Variants in MIPOL1 observed in about 807,000 individuals in gnomAD.
MIPOL1 encodes the protein mirror-image polydactyly 1, also known as mirror-image polydactyly gene 1 protein.
A neutral mutation model predicts 60.9 loss-of-function variants in MIPOL1; 57 were observed. That is an observed-to-expected ratio of 0.94 (90% CI 0.76 to 1.17). The LOEUF is 1.17. MIPOL1 is among the 50% of genes most tolerant of loss of function. MIPOL1 has a pLI of 0.00. For missense variants in MIPOL1, 551 were observed against 511.6 expected (o/e 1.08, Z -0.74); for synonymous variants, 179 against 168.8 (o/e 1.06, Z -0.47).
chr14:37,486,085 G>A (rs1337190125), intron 11 of MIPOL1, among the ~76,000 whole-genome samples: 1 of 152,158 alleles, frequency 6.6e-6, no homozygotes, highest in East Asian at 1.9e-4. Context: ...TTATTAAATA[G>A]GGAATTATTT....
Position 37,424,493 on chromosome 14 carries a change from A to G in MIPOL1, c.1031+1544A>G, listed in dbSNP as rs371793253. Among the ~76,000 whole-genome samples the G allele has an allele frequency of 5.3e-5, 8 of 152,324 alleles. No homozygotes were observed. The East Asian group carries it at 1.5e-3, about 29-fold the overall frequency. Reference sequence around the variant, plus strand: ...AAGAGGCAAGGAAGGACTCTCCTTTACAGTTGTCAGAAAGAACATAGCCCA... The same window carrying G: ...AAGAGGCAAGGAAGGACTCTCCTTTGCAGTTGTCAGAAAGAACATAGCCCA... On this transcript the variant is annotated intron_variant, in intron 11 of 12. Transcript: ENST00000684589.
At chr14:37,208,810 C>G (rs2139252319) in intron 1 of MIPOL1, among the ~76,000 whole-genome samples, 1 of 152,212 alleles carries the variant, frequency 6.6e-6, no homozygotes, top group South Asian at 2.1e-4. Flanking sequence ...AGGCTGGTCT[C>G]AAACTCCTGT....
intron 11 of MIPOL1, among the ~76,000 whole-genome samples, chr14:37,490,524 G>A (rs974444944): frequency 3.3e-5 from 5 of 152,156 alleles, no homozygotes; most frequent in East Asian, 1.9e-4. Flanking sequence ...CAGCTAGCTC[G>A]GTGTCTGCCC....
intron 10 of MIPOL1, among the ~76,000 whole-genome samples, chr14:37,374,346 C>T (rs1350675188): frequency 6.6e-6 from 1 of 152,150 alleles, no homozygotes; most frequent in Non-Finnish European, 1.5e-5. Flanking sequence ...CCTGTTCACT[C>T]TGATGGTAGT....
rs2093900659 is a variant in MIPOL1 at position 37,422,931 on chromosome 14, C to T, written c.1013C>T (p.Thr338Ile). Reference protein sequence around the residue: ...QYKKLEEEIQTLRVYYSLHKS... With the variant: ...QYKKLEEEIQILRVYYSLHKS... ...AAAAAACTGGAAGAGGAAATCCAGA[C>T]CCTTCGAGTTTACTACAGGTAAAAT... Residue 338 changes from threonine (T) to isoleucine (I), a missense_variant, in exon 11 of 13, where the codon ACC becomes ATC. Coordinates refer to ENST00000684589, the MANE Select transcript of MIPOL1 (RefSeq NM_001388067.1). 15 of 1,604,594 alleles carry T rather than the reference C, an allele frequency of 9.3e-6. No homozygotes were observed. Among genetic ancestry groups the T allele is most frequent in the Non-Finnish European group, 1.3e-5 (15 of 1,174,206 alleles).
chr14:37,418,278 G>C (rs780561493), intron 10 of MIPOL1, among the ~76,000 whole-genome samples: 3 of 152,148 alleles, frequency 2.0e-5, no homozygotes, highest in Non-Finnish European at 4.4e-5. Flanking sequence ...GATGTGAACA[G>C]TGTGGTCTTT....
At chr14:37,359,195 A>G (rs2092060701) in intron 9 of MIPOL1, among the ~76,000 whole-genome samples, 1 of 151,982 alleles carries the variant, frequency 6.6e-6, no homozygotes, top group African/African-American at 2.4e-5. Context: ...TGGTCTATAT[A>G]TCTGTTTCGG....
chr14:37,261,313 T>C (rs957499597), intron 3 of MIPOL1, among the ~76,000 whole-genome samples: 3 of 151,998 alleles, frequency 2.0e-5, no homozygotes, highest in Non-Finnish European at 2.9e-5. Flanking sequence ...AAGTATTAGA[T>C]ACATTAGTAT....
chr14:37,243,397 A>T (rs1433882346), intron 1 of MIPOL1, among the ~76,000 whole-genome samples: 1 of 152,180 alleles, frequency 6.6e-6, no homozygotes, highest in African/African-American at 2.4e-5. Context: ...ATAGTAAGAC[A>T]TGTGCTTATA....
At chr14:37,425,701 C>A (rs1240595695) in intron 11 of MIPOL1, among the ~76,000 whole-genome samples, 2 of 152,032 alleles carry the variant, frequency 1.3e-5, no homozygotes, top group Non-Finnish European at 2.9e-5. Flanking sequence ...AGATATATTT[C>A]TTTTTAAAAC....
intron 12 of MIPOL1, among the ~76,000 whole-genome samples, chr14:37,544,918 A>G (rs569490965): frequency 6.6e-6 from 1 of 152,342 alleles, no homozygotes; most frequent in South Asian, 2.1e-4. Flanking sequence ...AAAGGAAACA[A>G]AAGTAAGATG....
At chr14:37,364,810 G>A (rs1215163787) in intron 9 of MIPOL1, among the ~76,000 whole-genome samples, 2 of 151,894 alleles carry the variant, frequency 1.3e-5, no homozygotes, top group African/African-American at 2.4e-5. Context: ...ATATTGCTTT[G>A]GGTAGCACCT....
chr14:37,205,069 G>A (rs1965869404), intron 1 of MIPOL1, among the ~76,000 whole-genome samples: 1 of 151,990 alleles, frequency 6.6e-6, no homozygotes, highest in Non-Finnish European at 1.5e-5. Context: ...CTTTGAACTT[G>A]AGAGAGATGA....
rs553911830 is a variant in MIPOL1 at position 37,218,050 on chromosome 14, C to T, written c.-199+19946C>T. Among the ~76,000 whole-genome samples the T allele has an allele frequency of 8.5e-5, 13 of 152,090 alleles. No individual in the cohort carries two copies. The East Asian group carries it at 1.4e-3, about 16-fold the overall frequency. On this transcript the variant is annotated intron_variant, in intron 1 of 12. Transcript: ENST00000684589. ...TTCCCTTTTAGCTTCCTTTTTAGAA[C>T]GATGGGTTATTTGGGATTGTTTAAG...
intron 12 of MIPOL1, among the ~76,000 whole-genome samples, chr14:37,520,401 C>A (rs2095404717): frequency 6.6e-6 from 1 of 152,096 alleles, no homozygotes; most frequent in Non-Finnish European, 1.5e-5. Context: ...GCCTAAAGCC[C>A]TATGAAAACA....
At chr14:37,275,651 G>A (rs1279176654) in intron 6 of MIPOL1, among the ~76,000 whole-genome samples, 2 of 150,884 alleles carry the variant, frequency 1.3e-5, no homozygotes, top group Non-Finnish European at 3.0e-5. Context: ...TGCTTTTATA[G>A]TATGCAGATG....
intron 11 of MIPOL1, among the ~76,000 whole-genome samples, chr14:37,445,880 C>A (rs1184741531): frequency 3.9e-5 from 6 of 152,116 alleles, no homozygotes; most frequent in Admixed American, 3.3e-4. Flanking sequence ...ATGTAGAAAG[C>A]TGAAACTGGA....
In MIPOL1 at chr14:37,291,914, A is replaced by ATTTT. The variant is rs57230205; in HGVS notation, c.623+6492_623+6495dup. ...ACTATTACATATTACAATGGCAATAATTTTTTTTTTTTTTTTTTTTTTTTT... is the reference window on the plus strand; with the variant it reads ...ACTATTACATATTACAATGGCAATAATTTTTTTTTTTTTTTTTTTTTTTTTTTTT... On this transcript the variant is annotated intron_variant, in intron 7 of 12. Transcript: ENST00000684589. Among the ~76,000 whole-genome samples the ATTTT allele has an allele frequency of 8.3e-4, 77 of 92,992 alleles. 2 individuals carry two copies. The highest frequency in any genetic ancestry group is 3.6e-3 in the African/African-American group (67 of 18,698). The allele number at this position is 92,992 out of a possible 152,430, so 61.0% of individuals were successfully genotyped here.
At chr14:37,272,600 C>T (rs887690909) in intron 6 of MIPOL1, among the ~76,000 whole-genome samples, 2 of 151,342 alleles carry the variant, frequency 1.3e-5, no homozygotes, top group African/African-American at 2.4e-5. Context: ...ACAAAAACTA[C>T]CTTGTCAGTA....
Sources: allele counts gnomAD v4.1 joint callset (sites outside exome capture counted in the v4.1 genomes callset), GRCh38; gene constraint gnomAD v4.1.1; transcripts MANE v1.5; gene names NCBI Gene and HGNC (gene_info 2026-07-23, HGNC 2026-07-21).